COX15: variants seen among roughly 807,000 people sequenced by gnomAD.
COX15 encodes the protein heme A synthase COX15.
Under a neutral mutation model 51.9 loss-of-function variants are expected in COX15, and 51 were observed. The ratio of observed to expected loss-of-function variants is 0.98; its 90% CI spans 0.78 to 1.24. The LOEUF (loss-of-function observed/expected upper bound fraction) is 1.24. Among genes scored for constraint, COX15 ranks in the 50% most tolerant of loss-of-function variants. The pLI is 0.00. For missense variants in COX15, 420 were observed against 501.1 expected (o/e 0.84, Z 1.55); for synonymous variants, 188 against 190.5 (o/e 0.99, Z 0.11).
chr10:99,702,827 C>T, the COX15 span, among the ~76,000 whole-genome samples: 40 of 152,144 alleles, frequency 2.6e-4, no homozygotes, highest in Non-Finnish European at 4.3e-4. Context: ...TCCTTTACTT[C>T]CATGTGAGCC....
chr10:99,704,412 A>C, the COX15 span: 24 of 1,595,510 alleles, frequency 1.5e-5, no homozygotes, highest in African/African-American at 1.7e-4. Flanking sequence ...TTTGAAACTT[A>C]ACAGTTTTTT....
At chr10:99,701,914 G>T in the COX15 span, among the ~76,000 whole-genome samples, 2 of 151,914 alleles carry the variant, frequency 1.3e-5, no homozygotes, top group African/African-American at 4.8e-5. Flanking sequence ...AGGGTTTGGT[G>T]GCAGGTGCCT....
At chr10:99,722,056 G>C (rs1325797202) in intron 5 of COX15, among the ~76,000 whole-genome samples, 1 of 151,734 alleles carries the variant, frequency 6.6e-6, no homozygotes, top group Non-Finnish European at 1.5e-5. Context: ...GTAGAGATGG[G>C]GGTTTCACTA....
chr10:99,720,998 G>A lies in COX15; in HGVS notation c.821C>T (p.Thr274Met), dbSNP rs780737398. The A allele has an allele frequency of 1.1e-5, 18 of 1,613,362 alleles. No homozygotes were observed. Among genetic ancestry groups the A allele is most frequent in the Non-Finnish European group, 1.5e-5 (18 of 1,179,744 alleles). ...AHGTAGLVFL[T>M]ALSGAFVAGL... is the part of the protein sequence containing the mutation. ...GAGCTGAGTCCTACCTGAGAGGGCC[G>A]TAAGGAACACCAGACCTGCTGTTCC... Residue 274 changes from threonine (T) to methionine (M), a missense_variant, in exon 6 of 9, where the codon ACG becomes ATG. Physicochemically the swap from Thr to Met is moderately conservative, Grantham distance 81. Coordinates refer to ENST00000016171, the MANE Select transcript of COX15 (RefSeq NM_078470.6).
chr10:99,718,440 T>A lies in COX15; in HGVS notation c.893A>T (p.Glu298Val). The change falls in exon 7 of 9, where the codon GAA becomes GTA. Residue 298 changes from glutamate (E) to valine (V), a missense_variant. By Grantham distance (121) the Glu-to-Val change is moderately radical. Coordinates refer to ENST00000016171, the MANE Select transcript of COX15 (RefSeq NM_078470.6). ...AAAGAGGTCCTCCGGGATCCAGGAT[T>A]CTCCCATTTTGGGAAAGGAGTTATA... is the stretch of plus-strand genomic sequence containing the variant. ...LVYNSFPKMGESWIPEDLFTF... is the reference protein window; with the variant it reads ...LVYNSFPKMGVSWIPEDLFTF... 1 of 1,614,078 alleles carries A rather than the reference T, an allele frequency of 6.2e-7. No homozygotes were observed. The highest frequency in any genetic ancestry group is 8.5e-7 in the Non-Finnish European group (1 of 1,179,998).
At chr10:99,715,889 G>A (rs1175291681) in intron 8 of COX15, among the ~76,000 whole-genome samples, 2 of 151,328 alleles carry the variant, frequency 1.3e-5, no homozygotes, top group Admixed American at 1.3e-4. Context: ...TGTTTTTGTG[G>A]TAATTGTGTA....
At chr10:99,696,084 CGAA>C in the COX15 span, 16 of 1,614,140 alleles carry the variant, frequency 9.9e-6, no homozygotes, top group Non-Finnish European at 1.4e-5. Flanking sequence ...GGCAGCGCTA[CGAA>C]GACCTTGTTC....
intron 6 of COX15, 152 bp from the exon 7 acceptor site, chr10:99,718,652 A>G (rs2036652189): frequency 2.5e-6 from 2 of 802,194 alleles, no homozygotes; most frequent in Admixed American, 4.1e-5. Flanking sequence ...TCTCCAACAG[A>G]GAAGATACAT....
At chr10:99,698,546 G>C in the COX15 span, 13 of 1,613,852 alleles carry the variant, frequency 8.1e-6, no homozygotes, top group Non-Finnish European at 8.5e-7. Context: ...TGCTTGGTCA[G>C]AAGACAGGTC....
At position 99,714,709 on chromosome 10, in the gene COX15, C is replaced by T. The variant is rs2036512573; in HGVS notation, c.1111G>A (p.Gly371Ser). 1 of 1,613,338 alleles carries T rather than the reference C, an allele frequency of 6.2e-7. No individual in the cohort carries two copies. The highest frequency in any genetic ancestry group is 8.5e-7 in the Non-Finnish European group (1 of 1,180,020). ...LALAYTQVGL[G>S]ISTLLMYVPT... Reference sequence around the variant, plus strand: ...ACATACATCAGCAGCGTGCTGATGCCCAAGCCCACCTGTCACAAAGGAAAG... The same window carrying T: ...ACATACATCAGCAGCGTGCTGATGCTCAAGCCCACCTGTCACAAAGGAAAG... The change falls in exon 9 of 9, where the codon GGC becomes AGC. Residue 371 changes from glycine to serine, a missense_variant. Physicochemically the swap from Gly to Ser is moderately conservative, Grantham distance 56 (BLOSUM62 0). Coordinates refer to ENST00000016171, the MANE Select transcript of COX15 (RefSeq NM_078470.6).
At chr10:99,699,394 C>T in the COX15 span, among the ~76,000 whole-genome samples, 1 of 152,210 alleles carries the variant, frequency 6.6e-6, no homozygotes, top group African/African-American at 2.4e-5. Context: ...TAAAAATTCA[C>T]TCTGAGCATA....
At chr10:99,723,927 G>A (rs368331404) in intron 5 of COX15, 29 bp downstream of exon 5, 710 of 1,612,206 alleles carry the variant, frequency 4.4e-4, no homozygotes, top group South Asian at 6.4e-4. Flanking sequence ...GCGGGGTCTT[G>A]AACACAGATA....
At chr10:99,706,837 A>G (rs1222118520), downstream of COX15, among the ~76,000 whole-genome samples, 2 of 152,136 alleles carry the variant, frequency 1.3e-5, no homozygotes, top group Non-Finnish European at 2.9e-5. Context: ...TGGTTTCCAT[A>G]TACTATTTTT....
At chr10:99,724,260 G>A (rs2036874869) in intron 4 of COX15, 137 bp from the exon 5 acceptor site, 6 of 931,756 alleles carry the variant, frequency 6.4e-6, no homozygotes, top group Non-Finnish European at 1.0e-5. Flanking sequence ...TTGGCTCACT[G>A]CAATCTCCGC....
chr10:99,701,988 G>A, the COX15 span, among the ~76,000 whole-genome samples: 1 of 152,028 alleles, frequency 6.6e-6, no homozygotes, highest in African/African-American at 2.4e-5. Flanking sequence ...GGTGGAGGTT[G>A]TAGTGAGCTG....
rs373165015 is a variant in COX15 at position 99,726,948 on chromosome 10, C to T, written c.582+20G>A. The T allele has an allele frequency of 6.3e-7, 1 of 1,597,708 alleles. No individual in the cohort carries two copies. Among genetic ancestry groups the T allele is most frequent in the Non-Finnish European group, 8.6e-7 (1 of 1,167,986 alleles). On this transcript the variant is annotated intron_variant, in intron 4 of 8. Coordinates refer to ENST00000016171, the MANE Select transcript of COX15 (RefSeq NM_078470.6). ...GCTCCTGGGAGCATTTCTGGTTTCT[C>T]AACCTTGAATAAATCTTACCTGGAA...
chr10:99,703,727 A>AT, the COX15 span, among the ~76,000 whole-genome samples: 8 of 151,750 alleles, frequency 5.3e-5, no homozygotes, highest in African/African-American at 9.7e-5. Context: ...ATTTTTTATT[A>AT]TTTTTTTGAG....
chr10:99,709,379 A>C, downstream of COX15: 8 of 985,406 alleles, frequency 8.1e-6, no homozygotes, highest in Non-Finnish European at 9.6e-6. Context: ...CAGATGTTTC[A>C]AATTCTCCCA....
chr10:99,729,821 A>T, intron 1 of COX15, 87 bp from the exon 2 acceptor site: 1 of 1,273,200 alleles, frequency 7.9e-7, no homozygotes. Flanking sequence ...AGCGCGAAGT[A>T]CCATAGCATC....
Sources: gnomAD v4.1 joint callset for allele counts (sites outside exome capture counted in the v4.1 genomes callset) on GRCh38, gnomAD v4.1.1 for gene constraint, MANE v1.5 for transcripts, NCBI Gene and HGNC (gene_info 2026-07-23, HGNC 2026-07-21) for gene names.